The following IMMP2L variants were observed in gnomAD, a reference collection of about 807,000 sequenced individuals.
The protein encoded by IMMP2L is inner mitochondrial membrane peptidase subunit 2.
IMMP2L carries 18 observed loss-of-function variants against 19.3 expected under a neutral mutation model. The observed-to-expected ratio is 0.93, with a 90% CI of 0.64 to 1.38. The LOEUF (loss-of-function observed/expected upper bound fraction) is 1.38, where lower values mean the gene tolerates loss of function less well. IMMP2L is among the 40% of genes most tolerant of loss of function. IMMP2L has a pLI of 0.00. For missense variants in IMMP2L, 233 were observed against 218.2 expected (o/e 1.07, Z -0.43); for synonymous variants, 76 against 73.0 (o/e 1.04, Z -0.21).
Position 111,186,943 on chromosome 7 carries a change from A to T in IMMP2L, c.240-223378T>A, listed in dbSNP as rs556193871. Among the ~76,000 whole-genome samples, 132 of 146,928 alleles carry T rather than the reference A, an allele frequency of 9.0e-4. 1 individual carries two copies. The highest frequency in any genetic ancestry group is 1.3e-3 in the Non-Finnish European group (86 of 66,114). ...CTTCCCCCTCGTCCTTGCTTTTTTT[A>T]AAAAAAAAAAGTTTTAATACCTTTT... On this transcript the variant is annotated intron_variant, in intron 3 of 5. Coordinates refer to ENST00000405709, the MANE Select transcript of IMMP2L (RefSeq NM_032549.4).
chr7:111,049,333 G>C (rs1360066566), intron 3 of IMMP2L, among the ~76,000 whole-genome samples: 1 of 151,494 alleles, frequency 6.6e-6, no homozygotes, highest in Non-Finnish European at 1.5e-5. Flanking sequence ...GGGTTTCACT[G>C]TGTTATCCAG....
At chr7:111,392,754 A>G (rs1832485619) in intron 3 of IMMP2L, 3 of 456,658 alleles carry the variant, frequency 6.6e-6, no homozygotes, top group Middle Eastern at 6.5e-4. Context: ...CTTCAGGTTC[A>G]GTAATTTGCT....
At chr7:110,701,928 C>CT (rs1286849432) in intron 5 of IMMP2L, among the ~76,000 whole-genome samples, 4 of 151,422 alleles carry the variant, frequency 2.6e-5, no homozygotes, top group African/African-American at 7.3e-5. Context: ...GAATGGTTTC[C>CT]TTTTTTTTAT....
chr7:111,333,978 A>C (rs552871192), intron 3 of IMMP2L, among the ~76,000 whole-genome samples: 1 of 152,192 alleles, frequency 6.6e-6, no homozygotes. Context: ...TTCAACCTGT[A>C]TATCTTCTTC....
intron 3 of IMMP2L, among the ~76,000 whole-genome samples, chr7:110,996,360 G>A (rs1295012026): frequency 5.3e-5 from 8 of 152,056 alleles, no homozygotes; most frequent in Non-Finnish European, 7.4e-5. Context: ...CAACTGTGGC[G>A]GGAGCAGAGA....
chr7:111,357,304 A>C (rs963606865), intron 3 of IMMP2L, among the ~76,000 whole-genome samples: 5 of 152,184 alleles, frequency 3.3e-5, no homozygotes, highest in African/African-American at 1.2e-4. Context: ...TGCTTAAACA[A>C]TGAATTTTTT....
chr7:111,240,875 T>C (rs754359749), intron 3 of IMMP2L, among the ~76,000 whole-genome samples: 2 of 151,866 alleles, frequency 1.3e-5, no homozygotes, highest in African/African-American at 2.4e-5. Flanking sequence ...TTTTTTAACA[T>C]CACACTAGAC....
intron 3 of IMMP2L, among the ~76,000 whole-genome samples, chr7:111,133,839 C>T (rs1382567135): frequency 6.6e-6 from 1 of 151,982 alleles, no homozygotes; most frequent in Non-Finnish European, 1.5e-5. Context: ...ACTCAAAAGC[C>T]TCATAAGCGT....
intron 3 of IMMP2L, among the ~76,000 whole-genome samples, chr7:111,291,337 A>G (rs147847461): frequency 1.0e-3 from 155 of 152,298 alleles, no homozygotes; most frequent in African/African-American, 3.6e-3. Context: ...CTCCTGGGCG[A>G]TGGCCCACAA....
chr7:111,169,611 A>G (rs1358167014), intron 3 of IMMP2L, among the ~76,000 whole-genome samples: 5 of 151,774 alleles, frequency 3.3e-5, no homozygotes, highest in African/African-American at 4.8e-5. Flanking sequence ...CAATCTTCCC[A>G]TAGCATTTGC....
At chr7:110,827,391 AC>A (rs1278104170) in intron 5 of IMMP2L, among the ~76,000 whole-genome samples, 1 of 152,148 alleles carries the variant, frequency 6.6e-6, no homozygotes, top group Non-Finnish European at 1.5e-5. Context: ...GTGAGATTTC[AC>A]AATGGTCCTT....
intron 3 of IMMP2L, among the ~76,000 whole-genome samples, chr7:111,143,853 T>C (rs571363841): frequency 6.6e-6 from 1 of 152,164 alleles, no homozygotes; most frequent in Non-Finnish European, 1.5e-5. Flanking sequence ...AATAAACCAG[T>C]GCAGATACTG....
intron 1 of IMMP2L, among the ~76,000 whole-genome samples, chr7:111,557,026 T>C (rs1480040301): frequency 4.6e-5 from 7 of 152,086 alleles, no homozygotes; most frequent in Non-Finnish European, 7.4e-5. Flanking sequence ...CTAGGAAGCA[T>C]TCTAACATTC....
At chr7:111,496,235 T>A (rs1017721716) in intron 2 of IMMP2L, among the ~76,000 whole-genome samples, 2 of 152,156 alleles carry the variant, frequency 1.3e-5, no homozygotes, top group African/African-American at 4.8e-5. Context: ...GCATGGCTTC[T>A]AGAATTCTCA....
rs537493265 is a variant in IMMP2L at position 110,770,906 on chromosome 7, A to G, written c.409-107185T>C. 8.5e-5 allele frequency among the ~76,000 whole-genome samples: 13 copies of G among 152,248 alleles called. No individual in the cohort carries two copies. In the South Asian group the frequency reaches 2.7e-3, roughly 32 times the overall value. On this transcript the variant is annotated intron_variant, in intron 5 of 5. Transcript: ENST00000405709. ...AAATCACCATGTAATTAACATGAAC[A>G]TTGCTCCCACAGAGCTGTGTTGTTC...
intron 4 of IMMP2L, among the ~76,000 whole-genome samples, chr7:110,938,918 C>T (rs528435236): frequency 2.6e-5 from 4 of 152,024 alleles, no homozygotes; most frequent in African/African-American, 9.6e-5. Context: ...TTTGAATATA[C>T]CAAAAATTTA....
chr7:110,876,417 A>G (rs1809070967), intron 5 of IMMP2L, among the ~76,000 whole-genome samples: 1 of 152,178 alleles, frequency 6.6e-6, no homozygotes, highest in Non-Finnish European at 1.5e-5. Flanking sequence ...AGTCATGAAC[A>G]AGACTGGATT....
chr7:111,542,891 T>C (rs997109994), intron 1 of IMMP2L, among the ~76,000 whole-genome samples: 1 of 152,190 alleles, frequency 6.6e-6, no homozygotes, highest in African/African-American at 2.4e-5. Context: ...AATTGCCTCT[T>C]AGAATTTGAA....
chr7:111,395,655 A>C (rs1832790363), intron 3 of IMMP2L, among the ~76,000 whole-genome samples: 1 of 152,172 alleles, frequency 6.6e-6, no homozygotes, highest in South Asian at 2.1e-4. Context: ...TAAGTAAGTT[A>C]ATTGAAAGCA....
Sources: allele counts gnomAD v4.1 joint callset (sites outside exome capture counted in the v4.1 genomes callset), GRCh38; gene constraint gnomAD v4.1.1; transcripts MANE v1.5; gene names NCBI Gene and HGNC (gene_info 2026-07-23, HGNC 2026-07-21).